Variants in ARF1 observed in about 807,000 individuals in gnomAD.
ARF1 encodes the protein ADP-ribosylation factor 1.
ARF1 carries 1 observed loss-of-function variant against 18.0 expected under a neutral mutation model. That is an observed-to-expected ratio of 0.06 (90% CI 0.02 to 0.26). The LOEUF is 0.26. ARF1 is among the 10% of genes least tolerant of loss of function. The pLI, the probability that ARF1 is intolerant of heterozygous loss-of-function variation, is 1.00. For missense variants in ARF1, 73 were observed against 247.2 expected, an observed-to-expected ratio of 0.30 and a Z score of 4.73; for synonymous variants, 112 against 96.3, an observed-to-expected ratio of 1.16 and a Z score of -0.95.
At chr1:228,083,009 A>G (rs1357817645) in intron 1 of ARF1, 1 of 152,200 alleles carries the variant, frequency 6.6e-6, no homozygotes. Flanking sequence ...AGGTTCCCGA[A>G]GTCGCTCGCG....
At chr1:228,091,004 C>G (rs1032997938) in intron 1 of ARF1, 1 of 152,192 alleles carries the variant, frequency 6.6e-6, no homozygotes, top group African/African-American at 2.4e-5. Flanking sequence ...GAAGGACTTA[C>G]GTTTGGTGAG....
rs1288255085 is a variant in ARF1 at position 228,098,566 on chromosome 1, A to G, written c.*553A>G. ...GAACATGAGGTGGTGGTGGCGCAGC[A>G]GACTGCGATCAATTCTGCATGGTCA... is the stretch of plus-strand genomic sequence containing the variant. On this transcript the variant is annotated 3_prime_UTR_variant, in exon 5 of 5. Transcript: ENST00000272102. 6.5e-6 allele frequency: 1 copy of G among 152,848 alleles called. No homozygotes were observed. The highest frequency in any genetic ancestry group is 1.5e-5 in the Non-Finnish European group (1 of 68,238). 9.5% of individuals were successfully genotyped at this position (152,848 alleles called of 1,614,324 possible).
chr1:228,087,660 T>C (rs2032448143), intron 1 of ARF1, among the ~76,000 whole-genome samples: 1 of 152,096 alleles, frequency 6.6e-6, no homozygotes, highest in Admixed American at 6.5e-5. Context: ...AATTTATACC[T>C]ACTCATCAGC....
rs2032496848 is a variant in ARF1, at chr1:228,089,235, CGTGT to C, written c.-38+6476_-38+6479del. ...ACCTGGAGAGCAGGGCAGATGCCAG[CGTGT>C]GTGTGAGAACTAGGTCACTTGAAGG... On this transcript the variant is annotated intron_variant, in intron 1 of 4. Coordinates refer to ENST00000272102, the MANE Select transcript of ARF1 (RefSeq NM_001658.4). This position sits in a 1 kb window ranked among gnomAD's most constrained non-coding sequence, Gnocchi z 4.1. Among the ~76,000 whole-genome samples the C allele has an allele frequency of 6.6e-6, 1 of 152,092 alleles. No individual in the cohort carries two copies. The highest frequency in any genetic ancestry group is 6.5e-5 in the Admixed American group (1 of 15,276).
chr1:228,098,065 G>A lies in ARF1; in HGVS notation c.*52G>A. On this transcript the variant is annotated 3_prime_UTR_variant, in exon 5 of 5. Coordinates refer to ENST00000272102, the MANE Select transcript of ARF1 (RefSeq NM_001658.4). Reference sequence around the variant, plus strand: ...CTTGCCCTCTGCTTTACTCTCATGTGGCAAACGTGCGGCTCGTGGTGTGAG... The same window carrying A: ...CTTGCCCTCTGCTTTACTCTCATGTAGCAAACGTGCGGCTCGTGGTGTGAG... 3 of 1,556,914 alleles carry A rather than the reference G, an allele frequency of 1.9e-6. No individual in the cohort carries two copies. Among genetic ancestry groups the A allele is most frequent in the Non-Finnish European group, 2.6e-6 (3 of 1,146,530 alleles).
chr1:228,091,005 G>A (rs894100810), intron 1 of ARF1: 8 of 152,226 alleles, frequency 5.3e-5, no homozygotes, highest in African/African-American at 1.9e-4. Context: ...AAGGACTTAC[G>A]TTTGGTGAGG....
chr1:228,085,497 TG>T (rs2032364414), intron 1 of ARF1, among the ~76,000 whole-genome samples: 2 of 152,238 alleles, frequency 1.3e-5, no homozygotes, highest in Admixed American at 1.3e-4. Context: ...CCTACAGGGA[TG>T]GGGAGACAGT....
Position 228,097,837 on chromosome 1 carries a change from C to A in ARF1, c.385-15C>A. The A allele has an allele frequency of 6.2e-7, 1 of 1,610,566 alleles. No homozygotes were observed. Among genetic ancestry groups the A allele is most frequent in the Non-Finnish European group, 8.5e-7 (1 of 1,177,830 alleles). On this transcript the variant is annotated splice_polypyrimidine_tract_variant and intron_variant, in intron 4 of 4. Transcript: ENST00000272102. The surrounding 1 kb of genome is among the most constrained non-coding windows in gnomAD (Gnocchi z 8.1). ...CCTGTGGACAGCCCTTCCCACCAAC[C>A]CTTCCTTCCCCCAGGACCTCCCCAA...
At chr1:228,088,742 G>A (rs1456745464) in intron 1 of ARF1, among the ~76,000 whole-genome samples, 5 of 152,076 alleles carry the variant, frequency 3.3e-5, no homozygotes, top group Admixed American at 2.6e-4. Context: ...TTCTCTGGCC[G>A]CCACCCTTGG....
intron 1 of ARF1, among the ~76,000 whole-genome samples, chr1:228,092,551 G>A (rs571255053): frequency 1.3e-5 from 2 of 152,334 alleles, no homozygotes; most frequent in South Asian, 4.1e-4. Flanking sequence ...TGGACCTGGA[G>A]CTTGTTTGTC....
chr1:228,092,525 C>T (rs1341308526), intron 1 of ARF1, among the ~76,000 whole-genome samples: 3 of 151,934 alleles, frequency 2.0e-5, no homozygotes, highest in African/African-American at 7.2e-5. Context: ...GGATGTCAGT[C>T]AGCAGAACAG....
rs2032798958 is a variant in ARF1 at position 228,097,760 on chromosome 1, G to T, written c.384+45G>T. ...TGGGGAATGTGAGGAGCCAGTGTGG[G>T]TTCCGCCTGGTGGTAGGGGTTACTG... On this transcript the variant is annotated intron_variant, in intron 4 of 4. Transcript: ENST00000272102. This position sits in a 1 kb window ranked among gnomAD's most constrained non-coding sequence, Gnocchi z 8.1. The T allele has an allele frequency of 2.5e-6, 4 of 1,590,330 alleles. No homozygotes were observed. The highest frequency in any genetic ancestry group is 3.4e-6 in the Non-Finnish European group (4 of 1,166,856).
chr1:228,093,922 C>T lies in ARF1; in HGVS notation c.-37-3156C>T, dbSNP rs2032650604. Among the ~76,000 whole-genome samples, 4 of 146,512 alleles carry T rather than the reference C, an allele frequency of 2.7e-5. No individual in the cohort carries two copies. In the South Asian group the frequency reaches 8.8e-4, roughly 32 times the overall value. On this transcript the variant is annotated intron_variant, in intron 1 of 4. Coordinates refer to ENST00000272102, the MANE Select transcript of ARF1 (RefSeq NM_001658.4). ...AGTGAGCTGAGATCAAGCCACTGCA[C>T]TCCAGCCTGGATGACAGAGTGAGAC...
intron 1 of ARF1, among the ~76,000 whole-genome samples, chr1:228,091,876 T>C (rs1327162371): frequency 6.6e-6 from 1 of 152,170 alleles, no homozygotes; most frequent in Non-Finnish European, 1.5e-5. Flanking sequence ...AATGGCCATA[T>C]TGCATTTCAT....
At chr1:228,093,349 A>G (rs1352084226) in intron 1 of ARF1, among the ~76,000 whole-genome samples, 4 of 152,032 alleles carry the variant, frequency 2.6e-5, no homozygotes, top group African/African-American at 7.2e-5. Context: ...AGGAAACTCT[A>G]TTGGGTCTCC....
At position 228,097,477 on chromosome 1, in the gene ARF1, T is replaced by C. The variant is rs1405727278; in HGVS notation, c.259+25T>C. The C allele has an allele frequency of 1.9e-6, 3 of 1,613,454 alleles. No homozygotes were observed. The highest frequency in any genetic ancestry group is 1.3e-5 in the African/African-American group (1 of 74,808). ...GGTAAGTGGCTGGGGCCTGGTCCCA[T>C]GGGCACTCCTGCTTCTAGAGAGGGG... On this transcript the variant is annotated intron_variant, in intron 3 of 4. Transcript: ENST00000272102. This position sits in a 1 kb window ranked among gnomAD's most constrained non-coding sequence, Gnocchi z 8.1.
rs765536091 is a variant in ARF1, at chr1:228,097,732, G to T, written c.384+17G>T. ...AACAAGCAGGTAGGCGCCCGGGCCA[G>T]CCTGGGGAATGTGAGGAGCCAGTGT... On this transcript the variant is annotated intron_variant, in intron 4 of 4. Coordinates refer to ENST00000272102, the MANE Select transcript of ARF1 (RefSeq NM_001658.4). The surrounding 1 kb of genome is among the most constrained non-coding windows in gnomAD (Gnocchi z 8.1). The T allele has an allele frequency of 8.1e-6, 13 of 1,599,182 alleles. No homozygotes were observed. In the Admixed American group the frequency reaches 2.2e-4, roughly 27 times the overall value.
chr1:228,091,768 C>A (rs1390482530), intron 1 of ARF1, among the ~76,000 whole-genome samples: 1 of 152,122 alleles, frequency 6.6e-6, no homozygotes, highest in Non-Finnish European at 1.5e-5. Context: ...AATGTCAGGC[C>A]TACAGAAATG....
rs1571837416 is a variant in ARF1, at chr1:228,089,302, C to T, written c.-38+6537C>T. 6.6e-6 allele frequency among the ~76,000 whole-genome samples: 1 copy of T among 152,188 alleles called. No individual in the cohort carries two copies. The highest frequency in any genetic ancestry group is 1.5e-5 in the Non-Finnish European group (1 of 68,034). ...GTGTCCCCGGGGTGTGCCTTTCTCT[C>T]ACCTAGGTCTGGAGTGCCTCCAGAA... On this transcript the variant is annotated intron_variant, in intron 1 of 4. Coordinates refer to ENST00000272102, the MANE Select transcript of ARF1 (RefSeq NM_001658.4). This position sits in a 1 kb window ranked among gnomAD's most constrained non-coding sequence, Gnocchi z 4.1.
Sources: gnomAD v4.1 joint callset for allele counts (sites outside exome capture counted in the v4.1 genomes callset) on GRCh38, gnomAD v4.1.1 for gene constraint, Gnocchi (gnomAD v3.1) non-coding constraint, MANE v1.5 for transcripts, NCBI Gene and HGNC (gene_info 2026-07-23, HGNC 2026-07-21) for gene names.